Variants in MYO6 observed in about 807,000 individuals in gnomAD.
The protein encoded by MYO6 is unconventional myosin-VI.
MYO6 carries 74 observed loss-of-function variants against 178.7 expected under a neutral mutation model. That is an observed-to-expected ratio of 0.41 (90% CI 0.34 to 0.50). The LOEUF is 0.50. MYO6 is among the 20% of genes least tolerant of loss of function. The probability of loss-of-function intolerance (pLI) is 0.09; values close to 1 mark genes in which losing one functional copy is unlikely to be tolerated. For missense variants in MYO6, 1,330 were observed against 1,547.4 expected, an observed-to-expected ratio of 0.86 and a Z score of 2.36; for synonymous variants, 477 against 504.6, an observed-to-expected ratio of 0.95 and a Z score of 0.73.
intron 16 of MYO6, among the ~76,000 whole-genome samples, chr6:75,863,419 C>T (rs1169036823): frequency 6.6e-6 from 1 of 151,812 alleles, no homozygotes; most frequent in Non-Finnish European, 1.5e-5. Flanking sequence ...AAGAGAAAAG[C>T]AGACAGACAG....
intron 1 of MYO6, among the ~76,000 whole-genome samples, chr6:75,753,114 A>AT (rs1387627855): frequency 2.0e-5 from 3 of 152,090 alleles, no homozygotes; most frequent in African/African-American, 7.2e-5. Context: ...AAATAAGCCC[A>AT]TTTTTTCTGG....
intron 6 of MYO6, among the ~76,000 whole-genome samples, chr6:75,833,465 A>C (rs1482161004): frequency 6.6e-6 from 1 of 152,222 alleles, no homozygotes; most frequent in Admixed American, 6.5e-5. Context: ...CAACAACTCC[A>C]TTTATCCACT....
intron 20 of MYO6, among the ~76,000 whole-genome samples, chr6:75,879,010 A>C (rs533115881): frequency 6.6e-6 from 1 of 152,340 alleles, no homozygotes; most frequent in South Asian, 2.1e-4. Context: ...AGTGAGTGAA[A>C]GGCAGTCTTT....
intron 1 of MYO6, among the ~76,000 whole-genome samples, chr6:75,800,328 G>T (rs1023642931): frequency 6.6e-6 from 1 of 152,124 alleles, no homozygotes; most frequent in Non-Finnish European, 1.5e-5. Flanking sequence ...CAGGACCTGG[G>T]AGCTGCCGAG....
At chr6:75,761,633 A>C (rs983707595) in intron 1 of MYO6, among the ~76,000 whole-genome samples, 2 of 148,010 alleles carry the variant, frequency 1.4e-5, no homozygotes, top group African/African-American at 5.0e-5. Context: ...ACACAGACAC[A>C]TTTTTTTTTT....
At chr6:75,763,078 G>A (rs62414769) in intron 1 of MYO6, among the ~76,000 whole-genome samples, 28,896 of 150,306 alleles carry the variant, frequency 0.19, 3,611 homozygotes, top group Middle Eastern at 0.3. Flanking sequence ...CCAGGCTGGA[G>A]TGCAGTGGCA....
intron 30 of MYO6, among the ~76,000 whole-genome samples, chr6:75,904,059 A>C (rs1780055820): frequency 6.6e-6 from 1 of 151,418 alleles, no homozygotes; most frequent in Non-Finnish European, 1.5e-5. Flanking sequence ...ATTGGCCCCA[A>C]CTCTCTTCTG....
chr6:75,757,923 A>G (rs78846747), intron 1 of MYO6, among the ~76,000 whole-genome samples: 1,758 of 151,474 alleles, frequency 0.012, 25 homozygotes, highest in African/African-American at 0.037. Context: ...TTTCATCGAA[A>G]AGCAAGAAGA....
intron 28 of MYO6, among the ~76,000 whole-genome samples, chr6:75,893,317 TCA>T (rs1277235715): frequency 6.6e-6 from 1 of 152,086 alleles, no homozygotes; most frequent in Non-Finnish European, 1.5e-5. Flanking sequence ...TTTAATAGAT[TCA>T]GTTTAAAAAA....
chr6:75,905,244 T>C (rs1425886276), intron 30 of MYO6, among the ~76,000 whole-genome samples: 1 of 152,214 alleles, frequency 6.6e-6, no homozygotes, highest in African/African-American at 2.4e-5. Flanking sequence ...TGAGCTGTGA[T>C]GCTTCCCAGT....
intron 1 of MYO6, among the ~76,000 whole-genome samples, chr6:75,774,326 A>T (rs566363202): frequency 8.3e-4 from 126 of 152,254 alleles, no homozygotes; most frequent in Non-Finnish European, 1.3e-3. Context: ...AGGATTAATG[A>T]TTTTTATTAA....
At chr6:75,875,987 C>G (rs1050386849) in intron 20 of MYO6, among the ~76,000 whole-genome samples, 1 of 152,144 alleles carries the variant, frequency 6.6e-6, no homozygotes, top group African/African-American at 2.4e-5. Context: ...TGTTTACACT[C>G]TCTCCCTCCC....
intron 29 of MYO6, among the ~76,000 whole-genome samples, chr6:75,896,700 G>A (rs548416209): frequency 6.6e-6 from 1 of 152,200 alleles, no homozygotes; most frequent in South Asian, 2.1e-4. Flanking sequence ...CCTTGGGTAG[G>A]ACATTTGGCA....
At chr6:75,890,985 G>C (rs984604233) in intron 26 of MYO6, among the ~76,000 whole-genome samples, 1 of 152,176 alleles carries the variant, frequency 6.6e-6, no homozygotes, top group African/African-American at 2.4e-5. Context: ...GCCAGGCTTT[G>C]TAACCACATT....
At chr6:75,851,199 A>G (rs1175022684) in intron 11 of MYO6, among the ~76,000 whole-genome samples, 1 of 152,216 alleles carries the variant, frequency 6.6e-6, no homozygotes, top group East Asian at 1.9e-4. Context: ...TAAGTGTTGC[A>G]TGATCAAGTT....
intron 1 of MYO6, among the ~76,000 whole-genome samples, chr6:75,792,800 TAGA>T (rs1768377165): frequency 1.3e-5 from 2 of 152,306 alleles, no homozygotes; most frequent in South Asian, 2.1e-4. Flanking sequence ...TTATTTTCTT[TAGA>T]GACAGGATCT....
rs1774893837 is a variant in MYO6 at position 75,848,007 on chromosome 6, C to T, written c.898-344C>T. 1.3e-5 allele frequency among the ~76,000 whole-genome samples: 2 copies of T among 151,866 alleles called. 1 individual carries two copies. The highest frequency in any genetic ancestry group is 4.8e-5 in the African/African-American group (2 of 41,350). ...TAATGTTGATTCAAGTATTGATATT[C>T]CCTCCTTTTTCACTCAATTTTTGTC... On this transcript the variant is annotated intron_variant, in intron 10 of 34. Coordinates refer to ENST00000369977, the MANE Select transcript of MYO6 (RefSeq NM_004999.4).
rs577410401 is a variant in MYO6 at position 75,795,970 on chromosome 6, A to G, written c.-47-21531A>G. Among the ~76,000 whole-genome samples the G allele has an allele frequency of 4.6e-5, 7 of 152,342 alleles. No individual in the cohort carries two copies. The East Asian group carries it at 1.2e-3, about 25-fold the overall frequency. The stretch of plus-strand genomic sequence containing the variant: ...TATGACACAAAGTCCCATAAGATCT[A>G]TGGATACTCAACAATCTGTATACAT... On this transcript the variant is annotated intron_variant, in intron 1 of 34. Coordinates refer to ENST00000369977, the MANE Select transcript of MYO6 (RefSeq NM_004999.4).
At chr6:75,795,863 G>T (rs1476349470) in intron 1 of MYO6, among the ~76,000 whole-genome samples, 2 of 152,112 alleles carry the variant, frequency 1.3e-5, no homozygotes, top group African/African-American at 4.8e-5. Flanking sequence ...CCAACAGATT[G>T]GAACAGTCAG....
Sources: gnomAD v4.1 joint callset for allele counts (sites outside exome capture counted in the v4.1 genomes callset) on GRCh38, gnomAD v4.1.1 for gene constraint, MANE v1.5 for transcripts, NCBI Gene and HGNC (gene_info 2026-07-23, HGNC 2026-07-21) for gene names.